GPD1L: variants seen among roughly 807,000 people sequenced by gnomAD.
GPD1L encodes the protein glycerol-3-phosphate dehydrogenase 1-like protein.
GPD1L carries 17 observed loss-of-function variants against 32.9 expected under a neutral mutation model. The ratio of observed to expected loss-of-function variants is 0.52; its 90% CI spans 0.35 to 0.78. The LOEUF (loss-of-function observed/expected upper bound fraction) is 0.78, where lower values mean the gene tolerates loss of function less well. Among genes scored for constraint, GPD1L ranks in the 30% least tolerant of loss-of-function variants. The pLI, the probability that GPD1L is intolerant of heterozygous loss-of-function variation, is 0.01. For synonymous variants in GPD1L, 187 were observed against 165.9 expected (o/e 1.13, Z -0.98); for missense variants, 361 against 447.8 (o/e 0.81, Z 1.75).
intron 2 of GPD1L, among the ~76,000 whole-genome samples, chr3:32,132,534 A>G (rs140754637): frequency 2.0e-5 from 3 of 152,360 alleles, no homozygotes; most frequent in East Asian, 3.9e-4. Flanking sequence ...GTTCAGTGCG[A>G]AGCCTCAGTG....
intron 1 of GPD1L, among the ~76,000 whole-genome samples, chr3:32,109,732 T>A (rs1302433723): frequency 1.3e-5 from 2 of 152,212 alleles, no homozygotes; most frequent in African/African-American, 4.8e-5. Context: ...CATTTGAGTG[T>A]TGCCCGGTGA....
intron 5 of GPD1L, chr3:32,151,684 G>A: frequency 6.1e-6 from 1 of 164,786 alleles, no homozygotes; most frequent in Non-Finnish European, 1.3e-5. Flanking sequence ...TCACCATGTT[G>A]CCCAGTCTGA....
At chr3:32,108,691 T>G (rs1465144078) in intron 1 of GPD1L, among the ~76,000 whole-genome samples, 1 of 152,194 alleles carries the variant, frequency 6.6e-6, no homozygotes, top group Non-Finnish European at 1.5e-5. Context: ...ATATAGTCCT[T>G]TCGCCCTCCA....
At chr3:32,149,891 G>A (rs1010480277) in intron 5 of GPD1L, among the ~76,000 whole-genome samples, 1 of 151,802 alleles carries the variant, frequency 6.6e-6, no homozygotes, top group South Asian at 2.1e-4. Context: ...AGAGGCTGCA[G>A]TGAGCCAAGA....
At position 32,146,740 on chromosome 3, in the gene GPD1L, G is replaced by T; in HGVS notation, c.618+6G>T. The T allele has an allele frequency of 2.0e-6, 3 of 1,534,324 alleles. No individual in the cohort carries two copies. Among genetic ancestry groups the T allele is most frequent in the Non-Finnish European group, 2.7e-6 (3 of 1,108,408 alleles). On this transcript the variant is annotated splice_donor_region_variant and intron_variant, in intron 5 of 7. Transcript: ENST00000282541. Reference sequence around the variant, plus strand: ...AACTCTGTGGTGCGCTTAAGGTAAAGTCAGCCTCAGGGGAGGAGTTCATCA... The same window carrying T: ...AACTCTGTGGTGCGCTTAAGGTAAATTCAGCCTCAGGGGAGGAGTTCATCA...
rs1033044777 is a variant in GPD1L at position 32,167,791 on chromosome 3, T to C, written c.*1881T>C. 6.6e-6 allele frequency: 1 copy of C among 152,230 alleles called. No homozygotes were observed. The highest frequency in any genetic ancestry group is 1.5e-5 in the Non-Finnish European group (1 of 68,040). 9.4% of individuals were successfully genotyped at this position (152,230 alleles called of 1,614,324 possible). On this transcript the variant is annotated 3_prime_UTR_variant, in exon 8 of 8. Transcript: ENST00000282541. Reference sequence around the variant, plus strand: ...ACCTTGAAATGATTATAAAATAGATTTTCATGGGAATTTTAAAAACTCTAT... The same window carrying C: ...ACCTTGAAATGATTATAAAATAGATCTTCATGGGAATTTTAAAAACTCTAT...
intron 7 of GPD1L, among the ~76,000 whole-genome samples, chr3:32,161,534 C>T (rs1442867113): frequency 6.6e-6 from 1 of 152,102 alleles, no homozygotes; most frequent in East Asian, 1.9e-4. Context: ...GTGAGACTCT[C>T]CCAACCAGAA....
At chr3:32,125,835 A>C (rs528449088) in intron 1 of GPD1L, among the ~76,000 whole-genome samples, 131 of 152,346 alleles carry the variant, frequency 8.6e-4, no homozygotes, top group African/African-American at 3.1e-3. Flanking sequence ...GATGACTGAG[A>C]TAAATGAGTG....
intron 2 of GPD1L, among the ~76,000 whole-genome samples, chr3:32,131,163 C>T (rs1392232657): frequency 1.3e-5 from 2 of 152,148 alleles, no homozygotes; most frequent in African/African-American, 2.4e-5. Context: ...TTCCCTGTTC[C>T]AGCTTCAGCC....
chr3:32,107,293 C>A (rs984223238), intron 1 of GPD1L, among the ~76,000 whole-genome samples: 1 of 152,164 alleles, frequency 6.6e-6, no homozygotes, highest in East Asian at 1.9e-4. Context: ...TTAGGCGCGT[C>A]GTATCAGGAA....
At chr3:32,163,914 T>C (rs919197073) in intron 7 of GPD1L, among the ~76,000 whole-genome samples, 5 of 152,210 alleles carry the variant, frequency 3.3e-5, no homozygotes, top group African/African-American at 1.2e-4. Flanking sequence ...TGGCTCTGGA[T>C]TAGAATCTCA....
intron 7 of GPD1L, among the ~76,000 whole-genome samples, chr3:32,164,967 A>C: frequency 6.6e-6 from 1 of 152,144 alleles, no homozygotes; most frequent in Non-Finnish European, 1.5e-5. Flanking sequence ...GCACTTTGGG[A>C]GGCCGAGGTG....
intron 1 of GPD1L, among the ~76,000 whole-genome samples, chr3:32,116,602 G>A (rs970767156): frequency 6.6e-6 from 1 of 151,772 alleles, no homozygotes; most frequent in Non-Finnish European, 1.5e-5. Context: ...GCAAGCTGGG[G>A]TGGGGATTGG....
At chr3:32,126,366 A>G (rs1374015271) in intron 1 of GPD1L, among the ~76,000 whole-genome samples, 2 of 152,038 alleles carry the variant, frequency 1.3e-5, no homozygotes, top group African/African-American at 2.4e-5. Flanking sequence ...CCTGGTTCTG[A>G]TTTATTTTTC....
At chr3:32,145,569 A>G (rs1356708980) in intron 4 of GPD1L, among the ~76,000 whole-genome samples, 1 of 152,082 alleles carries the variant, frequency 6.6e-6, no homozygotes, top group Non-Finnish European at 1.5e-5. Context: ...TGGCTGGATT[A>G]AAGTGACTTG....
chr3:32,164,929 G>A (rs13100745), intron 7 of GPD1L, among the ~76,000 whole-genome samples: 60,330 of 152,026 alleles, frequency 0.4, 13,110 homozygotes, highest in East Asian at 0.6. Flanking sequence ...AGCCTGGGCC[G>A]GCGCGGTGGC....
chr3:32,126,975 A>G (rs578014414), intron 1 of GPD1L, among the ~76,000 whole-genome samples: 7 of 152,298 alleles, frequency 4.6e-5, no homozygotes, highest in Non-Finnish European at 8.8e-5. Context: ...CAATATTTAT[A>G]ATCTGTTAGA....
At chr3:32,134,972 T>G (rs1700644006) in intron 2 of GPD1L, among the ~76,000 whole-genome samples, 1 of 152,196 alleles carries the variant, frequency 6.6e-6, no homozygotes, top group African/African-American at 2.4e-5. Context: ...ATCGGAAAGG[T>G]AATTTTTATC....
chr3:32,134,175 G>GCTTA (rs1700626731), intron 2 of GPD1L, among the ~76,000 whole-genome samples: 1 of 152,188 alleles, frequency 6.6e-6, no homozygotes, highest in East Asian at 1.9e-4. Context: ...TCGGGTAGGG[G>GCTTA]CTTAGCAAAA....
Sources: gnomAD v4.1 joint callset for allele counts (sites outside exome capture counted in the v4.1 genomes callset) on GRCh38, gnomAD v4.1.1 for gene constraint, MANE v1.5 for transcripts, NCBI Gene and HGNC (gene_info 2026-07-23, HGNC 2026-07-21) for gene names.